Variants in ANKRD11 observed in about 807,000 individuals in gnomAD.
The protein encoded by ANKRD11 is ankyrin repeat domain 11.
ANKRD11 carries 17 observed loss-of-function variants against 195.7 expected under a neutral mutation model. That is an observed-to-expected ratio of 0.09 (90% CI 0.06 to 0.13). The LOEUF is 0.13. Ranked by LOEUF, ANKRD11 falls within the 10% of genes least tolerant of loss-of-function variation. The pLI is 1.00. For synonymous variants in ANKRD11, 1,953 were observed against 1,528.1 expected (o/e 1.28, Z -6.49); for missense variants, 3,735 against 3,566.1 (o/e 1.05, Z -1.21).
chr16:89,329,718 A>C (rs1446867757), intron 2 of ANKRD11, among the ~76,000 whole-genome samples: 2 of 152,242 alleles, frequency 1.3e-5, no homozygotes, highest in Non-Finnish European at 2.9e-5. Flanking sequence ...TACATCATTT[A>C]AAACATTAAA....
intron 4 of ANKRD11, among the ~76,000 whole-genome samples, chr16:89,293,774 G>A (rs910975878): frequency 4.0e-5 from 6 of 151,722 alleles, no homozygotes; most frequent in African/African-American, 1.2e-4. Flanking sequence ...GAGCTGGGGC[G>A]GTGTTGGGGC....
rs2056770106 is a variant in ANKRD11, at chr16:89,463,405, T to A, written c.-145+26840A>T. Among the ~76,000 whole-genome samples the A allele has an allele frequency of 3.9e-5, 6 of 152,324 alleles. No homozygotes were observed. The South Asian group carries it at 1.2e-3, about 32-fold the overall frequency. ...TGTGCTCTCTGAAACATGTGCTGTG[T>A]CCACTCAGGGTTAAATGGATTAAGG... is the stretch of plus-strand genomic sequence containing the variant. On this transcript the variant is annotated intron_variant, in intron 1 of 12. Transcript: ENST00000301030.
intron 2 of ANKRD11, among the ~76,000 whole-genome samples, chr16:89,356,753 C>G (rs534638793): frequency 6.8e-6 from 1 of 147,596 alleles, no homozygotes; most frequent in Non-Finnish European, 1.5e-5. Context: ...TGCACTCTAG[C>G]CTGGGCGACA....
At chr16:89,482,453 C>T (rs1030553639) in intron 1 of ANKRD11, among the ~76,000 whole-genome samples, 2 of 152,144 alleles carry the variant, frequency 1.3e-5, no homozygotes, top group Non-Finnish European at 2.9e-5. Flanking sequence ...TGTGGGATCC[C>T]GGATGGCATC....
intron 2 of ANKRD11, among the ~76,000 whole-genome samples, chr16:89,343,976 C>T (rs979234866): frequency 6.6e-6 from 1 of 152,174 alleles, no homozygotes; most frequent in African/African-American, 2.4e-5. Flanking sequence ...CAGCTCTGAC[C>T]GACTGAACCC....
At chr16:89,447,576 C>A (rs17783751) in intron 1 of ANKRD11, among the ~76,000 whole-genome samples, 21,038 of 152,126 alleles carry the variant, frequency 0.14, 1,887 homozygotes, top group Middle Eastern at 0.2. Context: ...AATCCTACAA[C>A]AATGCTCCAC....
chr16:89,270,446 C>G (rs1019848276), intron 12 of ANKRD11: 1 of 370,722 alleles, frequency 2.7e-6, no homozygotes, highest in Non-Finnish European at 5.2e-6. Flanking sequence ...CCCGGCACCT[C>G]CCCCGCCCCT....
chr16:89,447,212 A>C (rs1428946887), intron 1 of ANKRD11, among the ~76,000 whole-genome samples: 1 of 152,066 alleles, frequency 6.6e-6, no homozygotes, highest in African/African-American at 2.4e-5. Context: ...CCAAAAGTTT[A>C]ATCACTATTG....
intron 2 of ANKRD11, among the ~76,000 whole-genome samples, chr16:89,399,588 C>A (rs1218653742): frequency 6.6e-6 from 1 of 152,042 alleles, no homozygotes; most frequent in Admixed American, 6.6e-5. Context: ...AACGGTGGGT[C>A]CACATCAGGA....
intron 2 of ANKRD11, among the ~76,000 whole-genome samples, chr16:89,379,725 G>A (rs1468998924): frequency 2.6e-5 from 4 of 152,236 alleles, no homozygotes; most frequent in African/African-American, 9.7e-5. Context: ...ACGGATTTGC[G>A]AAGAACGTGT....
At chr16:89,457,614 C>T (rs2056495200) in intron 1 of ANKRD11, among the ~76,000 whole-genome samples, 1 of 151,538 alleles carries the variant, frequency 6.6e-6, no homozygotes, top group Non-Finnish European at 1.5e-5. Flanking sequence ...CTACAAATTC[C>T]ATTCATATGA....
In ANKRD11 at chr16:89,314,761, G is replaced by A. The variant is rs549681747; in HGVS notation, c.87+2172C>T. The stretch of plus-strand genomic sequence containing the variant: ...GAACAGGAGTGACAGGTGCCACCTC[G>A]CCATCAATGCCAGGGCCAGGATCTC... On this transcript the variant is annotated intron_variant, in intron 3 of 12. Coordinates refer to ENST00000301030, the MANE Select transcript of ANKRD11 (RefSeq NM_013275.6). Among the ~76,000 whole-genome samples the A allele has an allele frequency of 9.1e-4, 138 of 152,194 alleles. 1 individual carries two copies. The South Asian group carries it at 0.021, about 23-fold the overall frequency.
rs891050032 is a variant in ANKRD11, at chr16:89,281,743, C to T, written c.4799G>A (p.Arg1600Gln). 2.5e-6 allele frequency: 4 copies of T among 1,613,964 alleles called. No homozygotes were observed. The highest frequency in any genetic ancestry group is 3.4e-6 in the Non-Finnish European group (4 of 1,180,008). ...CATTTGCTTCATCCTCTCCTTGTGC[C>T]GCTTGTGGCGCTCCTCGATCTCCAG... The part of the protein sequence containing the change: ...KDLEIEERHK[R>Q]HKERMKQMEK... Residue 1600 changes from arginine to glutamine, a missense_variant, in exon 9 of 13, where the codon CGG (arginine) becomes CAG (glutamine). Arg to Gln is a conservative substitution (Grantham distance 43, BLOSUM62 1). Transcript: ENST00000301030. This position sits in a 1 kb window ranked among gnomAD's most constrained non-coding sequence, Gnocchi z 5.5.
intron 3 of ANKRD11, among the ~76,000 whole-genome samples, chr16:89,314,153 C>CAG (rs2036794559): frequency 2.0e-5 from 3 of 151,866 alleles, no homozygotes; most frequent in African/African-American, 7.3e-5. Context: ...GAGCCTGGGG[C>CAG]AGTGGGGCAG....
At chr16:89,426,522 T>G (rs1322558699) in intron 1 of ANKRD11, among the ~76,000 whole-genome samples, 4 of 104,844 alleles carry the variant, frequency 3.8e-5, no homozygotes, top group African/African-American at 1.5e-4. Flanking sequence ...TGATGGTCAC[T>G]TAAACATCAC....
At chr16:89,462,509 A>G (rs2056716689) in intron 1 of ANKRD11, among the ~76,000 whole-genome samples, 1 of 151,930 alleles carries the variant, frequency 6.6e-6, no homozygotes, top group Non-Finnish European at 1.5e-5. Flanking sequence ...GGAAGTGAGG[A>G]GCGTCTCTGC....
rs779232465 is a variant in ANKRD11, at chr16:89,279,035, G to A, written c.7470+37C>T. 1.2e-6 allele frequency: 2 copies of A among 1,612,074 alleles called. No individual in the cohort carries two copies. The highest frequency in any genetic ancestry group is 8.5e-7 in the Non-Finnish European group (1 of 1,179,264). On this transcript the variant is annotated intron_variant, in intron 9 of 12. Transcript: ENST00000301030. The surrounding 1 kb of genome is among the most constrained non-coding windows in gnomAD (Gnocchi z 5.6). ...CTAGGGGCCCCAGACGCATCCCAGA[G>A]AGAGAAGGCAGTGGCTCTCCCGGGC...
intron 1 of ANKRD11, among the ~76,000 whole-genome samples, chr16:89,431,634 C>T (rs1456888810): frequency 1.3e-5 from 2 of 152,138 alleles, no homozygotes; most frequent in Non-Finnish European, 2.9e-5. Context: ...CTTGCTACAT[C>T]TCCTTCCTCC....
At chr16:89,482,760 C>T (rs1567866871) in intron 1 of ANKRD11, among the ~76,000 whole-genome samples, 1 of 152,278 alleles carries the variant, frequency 6.6e-6, no homozygotes, top group South Asian at 2.1e-4. Flanking sequence ...CCACTGCACT[C>T]CAGCCTGGGC....
Sources: gnomAD v4.1 joint callset for allele counts (sites outside exome capture counted in the v4.1 genomes callset) on GRCh38, gnomAD v4.1.1 for gene constraint, Gnocchi (gnomAD v3.1) non-coding constraint, MANE v1.5 for transcripts, NCBI Gene and HGNC (gene_info 2026-07-23, HGNC 2026-07-21) for gene names.